SNX10: variants seen among roughly 807,000 people sequenced by gnomAD.
SNX10 encodes the protein sorting nexin-10.
In SNX10, 25 loss-of-function variants were observed where a neutral mutation model predicts 28.5. The ratio of observed to expected loss-of-function variants is 0.88; its 90% CI spans 0.64 to 1.22. The LOEUF (loss-of-function observed/expected upper bound fraction) is 1.22. Ranked by LOEUF, SNX10 falls within the 50% of genes most tolerant of loss-of-function variation. The pLI is 0.00. For missense variants in SNX10, 223 were observed against 242.6 expected (o/e 0.92, Z 0.54); for synonymous variants, 62 against 81.4 (o/e 0.76, Z 1.28).
At position 26,364,336 on chromosome 7, in the gene SNX10, C is replaced by A; in HGVS notation, c.112-199C>A. ...CACCCTGGGGCAACACTGCTTATTT[C>A]CATCATCCTGGCTGTCTTCAGGGCT... On this transcript the variant is annotated intron_variant, in intron 3 of 6. Coordinates refer to ENST00000338523, the MANE Select transcript of SNX10 (RefSeq NM_013322.3). The surrounding 1 kb of genome is among the most constrained non-coding windows in gnomAD (Gnocchi z 4.9). The A allele has an allele frequency of 3.1e-6, 4 of 1,296,018 alleles. No homozygotes were observed. The highest frequency in any genetic ancestry group is 3.9e-6 in the Non-Finnish European group (4 of 1,021,860). The allele number at this position is 1,296,018 out of a possible 1,614,324, so 80.3% of individuals were successfully genotyped here.
chr7:26,361,727 T>A (rs73068486), intron 3 of SNX10, among the ~76,000 whole-genome samples: 25,632 of 152,244 alleles, frequency 0.17, 2,403 homozygotes, highest in South Asian at 0.36. Flanking sequence ...AGACTACTCA[T>A]TTCTGCTGTT....
At chr7:26,313,208 C>A (rs1428800036) in intron 1 of SNX10, among the ~76,000 whole-genome samples, 2 of 152,182 alleles carry the variant, frequency 1.3e-5, no homozygotes, top group African/African-American at 4.8e-5. Context: ...CCTGCCCCCA[C>A]TTTTTAAAAA....
intron 1 of SNX10, among the ~76,000 whole-genome samples, chr7:26,319,792 G>A (rs974930188): frequency 6.6e-6 from 1 of 152,124 alleles, no homozygotes; most frequent in African/African-American, 2.4e-5. Context: ...GCTAAGGCGG[G>A]GGGGAAATGA....
At position 26,372,987 on chromosome 7, in the gene SNX10, C is replaced by T. The variant is rs1257850587; in HGVS notation, c.*415C>T. 3 of 164,938 alleles carry T rather than the reference C, an allele frequency of 1.8e-5. No individual in the cohort carries two copies. Among genetic ancestry groups the T allele is most frequent in the Non-Finnish European group, 4.0e-5 (3 of 75,744 alleles). 10.2% of individuals were successfully genotyped at this position (164,938 alleles called of 1,614,324 possible). On this transcript the variant is annotated 3_prime_UTR_variant, in exon 7 of 7. Transcript: ENST00000338523. ...AACACGGTGTATATGTTGTTAAACC[C>T]TATGAAGAGTAACAGTGTAGACCAG...
chr7:26,310,755 C>A (rs566299581), intron 1 of SNX10, among the ~76,000 whole-genome samples: 3 of 151,472 alleles, frequency 2.0e-5, no homozygotes, highest in Non-Finnish European at 4.4e-5. Context: ...CATCTCGGCT[C>A]ACTGCAAGCT....
At chr7:26,369,874 C>T (rs1424561929) in intron 5 of SNX10, among the ~76,000 whole-genome samples, 1 of 152,150 alleles carries the variant, frequency 6.6e-6, no homozygotes, top group East Asian at 1.9e-4. Context: ...TTGCTGTACC[C>T]ATGTGTTAAG....
intron 1 of SNX10, among the ~76,000 whole-genome samples, chr7:26,317,297 G>T (rs976905957): frequency 6.6e-6 from 1 of 152,134 alleles, no homozygotes; most frequent in African/African-American, 2.4e-5. Flanking sequence ...AGTGAGTAGG[G>T]TTAACTAGTG....
At chr7:26,353,437 CTTTTTTT>C (rs11386172) in intron 2 of SNX10, among the ~76,000 whole-genome samples, 2 of 74,372 alleles carry the variant, frequency 2.7e-5, no homozygotes, top group Admixed American at 1.9e-4. Context: ...CTGGTAAATG[CTTTTTTT>C]TTTTTTTTTT....
At chr7:26,328,784 A>C (rs1787609725) in intron 1 of SNX10, among the ~76,000 whole-genome samples, 1 of 152,160 alleles carries the variant, frequency 6.6e-6, no homozygotes, top group Non-Finnish European at 1.5e-5. Flanking sequence ...TGCAGGCCCC[A>C]GGCTGCATGG....
intron 1 of SNX10, among the ~76,000 whole-genome samples, chr7:26,297,156 G>A (rs917438226): frequency 3.3e-5 from 5 of 152,252 alleles, no homozygotes; most frequent in African/African-American, 1.2e-4. Context: ...GAGTGCAGTG[G>A]CACAATCTCA....
chr7:26,319,458 A>G (rs1787227011), intron 1 of SNX10, among the ~76,000 whole-genome samples: 2 of 152,180 alleles, frequency 1.3e-5, no homozygotes, highest in Admixed American at 6.5e-5. Context: ...ATTTGGAAGC[A>G]AGGGGAGGAT....
chr7:26,362,897 C>G (rs1374588997), intron 3 of SNX10, among the ~76,000 whole-genome samples: 1 of 152,162 alleles, frequency 6.6e-6, no homozygotes, highest in Non-Finnish European at 1.5e-5. Context: ...CGACCTTAGT[C>G]TGGTGTAGGT....
chr7:26,372,465 T>G, intron 6 of SNX10, 26 bp from the exon 7 acceptor site: 1 of 1,475,146 alleles, frequency 6.8e-7, no homozygotes, highest in Non-Finnish European at 9.5e-7. Flanking sequence ...CTCTTTTTAT[T>G]ATTTTCCCCC....
intron 1 of SNX10, among the ~76,000 whole-genome samples, chr7:26,308,566 T>A (rs1284711406): frequency 1.3e-5 from 2 of 152,076 alleles, no homozygotes; most frequent in African/African-American, 4.8e-5. Context: ...CACGTGGAGG[T>A]TCCTGGGGGG....
At chr7:26,294,149 A>G (rs1786025123) in intron 1 of SNX10, among the ~76,000 whole-genome samples, 1 of 152,238 alleles carries the variant, frequency 6.6e-6, no homozygotes, top group African/African-American at 2.4e-5. Context: ...CTTTTGGCCA[A>G]GCTCATGGTT....
At chr7:26,298,243 G>A (rs1786187858) in intron 1 of SNX10, among the ~76,000 whole-genome samples, 1 of 152,136 alleles carries the variant, frequency 6.6e-6, no homozygotes, top group Non-Finnish European at 1.5e-5. Context: ...AGATGACAAA[G>A]GAGTAAAGCA....
At chr7:26,336,242 T>C (rs1031913755) in intron 1 of SNX10, among the ~76,000 whole-genome samples, 3 of 152,154 alleles carry the variant, frequency 2.0e-5, no homozygotes, top group Non-Finnish European at 4.4e-5. Flanking sequence ...CTTTAACAAA[T>C]GCACTGTAAT....
Position 26,364,054 on chromosome 7 carries a change from T to A in SNX10, c.112-481T>A, listed in dbSNP as rs1188235535. Among the ~76,000 whole-genome samples, 1 of 152,164 alleles carries A rather than the reference T, an allele frequency of 6.6e-6. No individual in the cohort carries two copies. The highest frequency in any genetic ancestry group is 2.4e-5 in the African/African-American group (1 of 41,430). ...GCTGTTCTCTAGGATTTCTGGTGATTTGTATGATCTGCAGGGTGGCCATGT... is the reference window on the plus strand; with the variant it reads ...GCTGTTCTCTAGGATTTCTGGTGATATGTATGATCTGCAGGGTGGCCATGT... On this transcript the variant is annotated intron_variant, in intron 3 of 6. Coordinates refer to ENST00000338523, the MANE Select transcript of SNX10 (RefSeq NM_013322.3). This position sits in a 1 kb window ranked among gnomAD's most constrained non-coding sequence, Gnocchi z 4.9.
chr7:26,304,146 G>A (rs1034333040), intron 1 of SNX10, among the ~76,000 whole-genome samples: 10 of 152,286 alleles, frequency 6.6e-5, no homozygotes, highest in African/African-American at 2.4e-4. Flanking sequence ...CTTGGCTTCT[G>A]TAGCCTTGGG....
Sources: allele counts gnomAD v4.1 joint callset (sites outside exome capture counted in the v4.1 genomes callset), GRCh38; gene constraint gnomAD v4.1.1; non-coding constraint Gnocchi (gnomAD v3.1); transcripts MANE v1.5; gene names NCBI Gene and HGNC (gene_info 2026-07-23, HGNC 2026-07-21).